GDAP1: variants seen among roughly 807,000 people sequenced by gnomAD.
GDAP1 encodes the protein ganglioside induced differentiation associated protein 1.
GDAP1 carries 34 observed loss-of-function variants against 40.1 expected under a neutral mutation model. That is an observed-to-expected ratio of 0.85 (90% CI 0.64 to 1.13). The LOEUF (loss-of-function observed/expected upper bound fraction) is 1.13, where lower values mean the gene tolerates loss of function less well. Among genes scored for constraint, GDAP1 ranks in the 50% most tolerant of loss-of-function variants. The probability of loss-of-function intolerance (pLI) is 0.00; values close to 1 mark genes in which losing one functional copy is unlikely to be tolerated. For missense variants in GDAP1, 374 were observed against 433.7 expected (o/e 0.86, Z 1.22); for synonymous variants, 170 against 157.4 (o/e 1.08, Z -0.60).
chr8:74,457,379 TTTA>T (rs973061044), intron 2 of GDAP1, among the ~76,000 whole-genome samples: 1 of 152,058 alleles, frequency 6.6e-6, no homozygotes, highest in Non-Finnish European at 1.5e-5. Flanking sequence ...TATAGAATCC[TTTA>T]TGAGGGACAC....
chr8:74,477,292 T>C (rs1427233064), intron 2 of GDAP1, among the ~76,000 whole-genome samples: 1 of 152,190 alleles, frequency 6.6e-6, no homozygotes, highest in African/African-American at 2.4e-5. Context: ...TCCATTGTTA[T>C]TGTTTCAGCC....
chr8:74,362,804 T>TTTTTTTTTG, intron 4 of GDAP1, 135 bp from the exon 5 acceptor site: 1 of 397,392 alleles, frequency 2.5e-6, no homozygotes, highest in Non-Finnish European at 4.4e-6. Flanking sequence ...TTTTTTTTTT[T>TTTTTTTTTG]GCTGAGTTTT....
chr8:74,467,115 T>G (rs1163381491), intron 2 of GDAP1, among the ~76,000 whole-genome samples: 1 of 152,230 alleles, frequency 6.6e-6, no homozygotes, highest in Non-Finnish European at 1.5e-5. Flanking sequence ...TTTTTATTGT[T>G]TCTGTCTTCT....
intron 2 of GDAP1, among the ~76,000 whole-genome samples, chr8:74,420,901 A>T (rs1805848730): frequency 6.6e-6 from 1 of 151,766 alleles, no homozygotes; most frequent in Non-Finnish European, 1.5e-5. Flanking sequence ...GGGCCTGGTT[A>T]TTACTTGGAT....
intron 2 of GDAP1, among the ~76,000 whole-genome samples, chr8:74,442,798 A>G (rs1563471294): frequency 6.6e-6 from 1 of 152,206 alleles, no homozygotes; most frequent in Non-Finnish European, 1.5e-5. Flanking sequence ...ATACAAACAC[A>G]TGGAGTCAAA....
At chr8:74,464,459 C>CT (rs772456498) in intron 2 of GDAP1, among the ~76,000 whole-genome samples, 15 of 152,138 alleles carry the variant, frequency 9.9e-5, no homozygotes, top group Non-Finnish European at 2.1e-4. Flanking sequence ...CAATGTGCAA[C>CT]CCTAAGGGAG....
At chr8:74,428,640 T>TTTTTTC (rs1805985043) in intron 2 of GDAP1, among the ~76,000 whole-genome samples, 2 of 122,354 alleles carry the variant, frequency 1.6e-5, no homozygotes, top group Admixed American at 1.7e-4. Flanking sequence ...CTAATTTTTT[T>TTTTTTC]TTTTTTTTTT....
chr8:74,439,427 G>A (rs948336018), intron 2 of GDAP1, among the ~76,000 whole-genome samples: 13 of 151,392 alleles, frequency 8.6e-5, no homozygotes, highest in Non-Finnish European at 8.9e-5. Flanking sequence ...ATGTGTGTAG[G>A]TCTATTTTTG....
intron 2 of GDAP1, among the ~76,000 whole-genome samples, chr8:74,396,418 C>T (rs1017901367): frequency 2.0e-5 from 3 of 151,506 alleles, no homozygotes; most frequent in Non-Finnish European, 4.4e-5. Context: ...AGGTTAGTTA[C>T]ATACGTATAC....
chr8:74,436,383 A>C (rs1245236397), intron 2 of GDAP1, among the ~76,000 whole-genome samples: 1 of 151,390 alleles, frequency 6.6e-6, no homozygotes, highest in African/African-American at 2.4e-5. Flanking sequence ...TTTGATGCAG[A>C]AATCCTTGAA....
chr8:74,486,173 A>C (rs1297038865), intron 2 of GDAP1, among the ~76,000 whole-genome samples: 2 of 152,180 alleles, frequency 1.3e-5, no homozygotes, highest in African/African-American at 4.8e-5. Context: ...CTACAGGAAA[A>C]TGTTTGGTAT....
chr8:74,413,802 G>C (rs1363866418), intron 2 of GDAP1, among the ~76,000 whole-genome samples: 1 of 148,710 alleles, frequency 6.7e-6, no homozygotes, highest in Non-Finnish European at 1.5e-5. Flanking sequence ...AACAGAGCAG[G>C]GTCAATAATG....
chr8:74,439,193 A>T (rs1030790569), intron 2 of GDAP1, among the ~76,000 whole-genome samples: 9 of 152,004 alleles, frequency 5.9e-5, no homozygotes, highest in African/African-American at 1.9e-4. Flanking sequence ...TTCTACTAGT[A>T]AGTCTTTAAT....
chr8:74,446,958 T>G (rs761680314), intron 2 of GDAP1, among the ~76,000 whole-genome samples: 17 of 152,136 alleles, frequency 1.1e-4, no homozygotes, highest in Non-Finnish European at 2.5e-4. Context: ...GGGGAAATTA[T>G]AGAAATGTTC....
chr8:74,362,967 A>G lies in GDAP1; in HGVS notation c.608A>G (p.Lys203Arg), dbSNP rs1344356643. The change falls in exon 5 of 6, where the codon AAG becomes AGG. Residue 203 changes from lysine to arginine, a missense_variant. Physicochemically the swap from Lys to Arg is conservative, Grantham distance 26. Coordinates refer to ENST00000220822, the MANE Select transcript of GDAP1 (RefSeq NM_018972.4). ...KSKLLDHDNVKYLKKILDELE... is the reference protein window; with the variant it reads ...KSKLLDHDNVRYLKKILDELE... ...AAGCTGCTTGATCATGACAATGTCAAGTATTTGAAGAAAATTCTTGATGAG... is the reference window on the plus strand; with the variant it reads ...AAGCTGCTTGATCATGACAATGTCAGGTATTTGAAGAAAATTCTTGATGAG... 15 of 1,563,708 alleles carry G rather than the reference A, an allele frequency of 9.6e-6. No individual in the cohort carries two copies. The East Asian group carries it at 3.4e-4, about 35-fold the overall frequency.
intron 3 of GDAP1, 124 bp from the exon 4 acceptor site, chr8:74,361,760 G>A: frequency 1.4e-6 from 1 of 709,412 alleles, no homozygotes; most frequent in South Asian, 1.5e-5. Flanking sequence ...GTAAGCCCAA[G>A]GCAGAGAAGC....
intron 2 of GDAP1, among the ~76,000 whole-genome samples, chr8:74,407,167 C>T (rs541259496): frequency 6.7e-6 from 1 of 149,990 alleles, no homozygotes; most frequent in East Asian, 1.9e-4. Flanking sequence ...TGCGGTGGCT[C>T]ACCTCTGTGA....
At chr8:74,426,232 A>G (rs73331337) in intron 2 of GDAP1, among the ~76,000 whole-genome samples, 1,554 of 152,338 alleles carry the variant, frequency 0.01, 16 homozygotes, top group African/African-American at 0.033. Flanking sequence ...GCTTCTCCTA[A>G]TGTTAACATT....
At chr8:74,487,407 T>C (rs2128722119) in intron 2 of GDAP1, among the ~76,000 whole-genome samples, 1 of 152,326 alleles carries the variant, frequency 6.6e-6, no homozygotes, top group African/African-American at 2.4e-5. Flanking sequence ...AGGAGGGATA[T>C]ACTGCCTCTT....
Sources: gnomAD v4.1 joint callset for allele counts (sites outside exome capture counted in the v4.1 genomes callset) on GRCh38, gnomAD v4.1.1 for gene constraint, MANE v1.5 for transcripts, NCBI Gene and HGNC (gene_info 2026-07-23, HGNC 2026-07-21) for gene names.